CREB3L2: variants seen among roughly 807,000 people sequenced by gnomAD.
CREB3L2 encodes the protein cAMP responsive element binding protein 3 like 2, also known as cyclic AMP-responsive element-binding protein 3-like protein 2.
CREB3L2 carries 23 observed loss-of-function variants against 57.2 expected under a neutral mutation model. That is an observed-to-expected ratio of 0.40 (90% CI 0.29 to 0.57). The LOEUF is 0.57. Ranked by LOEUF, CREB3L2 falls within the 20% of genes least tolerant of loss-of-function variation. The probability of loss-of-function intolerance (pLI) is 0.42; values close to 1 mark genes in which losing one functional copy is unlikely to be tolerated. For missense variants in CREB3L2, 628 were observed against 634.7 expected (o/e 0.99, Z 0.11); for synonymous variants, 268 against 265.1 (o/e 1.01, Z -0.11).
At chr7:137,983,798 G>A (rs192811790) in intron 1 of CREB3L2, among the ~76,000 whole-genome samples, 5 of 152,290 alleles carry the variant, frequency 3.3e-5, no homozygotes, top group African/African-American at 9.6e-5. Flanking sequence ...ACTGAGTCTT[G>A]CATGGCTTTT....
chr7:137,924,597 C>T (rs938308896), intron 2 of CREB3L2, among the ~76,000 whole-genome samples: 5 of 152,142 alleles, frequency 3.3e-5, no homozygotes, highest in Non-Finnish European at 7.3e-5. Context: ...GATGCTTCTG[C>T]GTTTCTCTCT....
At position 137,880,467 on chromosome 7, in the gene CREB3L2, G is replaced by A; in HGVS notation, c.*9C>T. ...GTTAAGGGAAAGGGAGGGGGTGCAGGCAGCCTCTTTAGAAAGTGGTGTTCA... is the reference window on the plus strand; with the variant it reads ...GTTAAGGGAAAGGGAGGGGGTGCAGACAGCCTCTTTAGAAAGTGGTGTTCA... On this transcript the variant is annotated 3_prime_UTR_variant, in exon 12 of 12. Transcript: ENST00000330387. The surrounding 1 kb of genome is among the most constrained non-coding windows in gnomAD (Gnocchi z 4.0). 1.9e-6 allele frequency: 3 copies of A among 1,608,952 alleles called. No individual in the cohort carries two copies. Among genetic ancestry groups the A allele is most frequent in the East Asian group, 2.2e-5 (1 of 44,864 alleles).
At chr7:137,999,144 C>G (rs188308879) in intron 1 of CREB3L2, among the ~76,000 whole-genome samples, 14 of 152,168 alleles carry the variant, frequency 9.2e-5, no homozygotes, top group Admixed American at 6.5e-4. Context: ...CTACCTTAGG[C>G]CTTTGCTCTA....
intron 5 of CREB3L2, 25 bp from the exon 6 acceptor site, chr7:137,905,873 G>C (rs755166164): frequency 1.0e-5 from 16 of 1,568,066 alleles, no homozygotes; most frequent in Admixed American, 9.9e-5. Context: ...GAGCAGAAAA[G>C]GGTCAAAGAA....
intron 1 of CREB3L2, chr7:137,935,940 G>A: frequency 1.0e-6 from 1 of 969,318 alleles, no homozygotes; most frequent in Non-Finnish European, 1.2e-6. Flanking sequence ...TTGCAAGGAA[G>A]GAGTGGTTTA....
chr7:137,973,254 A>C (rs1295439921), intron 1 of CREB3L2, among the ~76,000 whole-genome samples: 2 of 152,098 alleles, frequency 1.3e-5, no homozygotes, highest in Non-Finnish European at 2.9e-5. Flanking sequence ...GACCTTAATC[A>C]TAGAAGTCCC....
At chr7:137,995,333 C>CTTTTTTTTTTTTTTTTTTTTTTTTTTTT (rs10676214) in intron 1 of CREB3L2, among the ~76,000 whole-genome samples, 6 of 87,428 alleles carry the variant, frequency 6.9e-5, no homozygotes, top group African/African-American at 1.4e-4. Flanking sequence ...TCTTTTCTTT[C>CTTTTTTTTTTTTTTTTTTTTTTTTTTTT]TTTTTTTTTT....
intron 1 of CREB3L2, among the ~76,000 whole-genome samples, chr7:137,967,063 C>G (rs925612478): frequency 4.6e-5 from 7 of 152,170 alleles, no homozygotes; most frequent in Non-Finnish European, 1.0e-4. Context: ...CCCTTCTTCT[C>G]TCTCTCTCAG....
At chr7:137,981,677 C>G (rs1801714388) in intron 1 of CREB3L2, among the ~76,000 whole-genome samples, 1 of 152,202 alleles carries the variant, frequency 6.6e-6, no homozygotes, top group African/African-American at 2.4e-5. Context: ...GGGCCAGAGC[C>G]CTCCATTTAG....
chr7:137,956,781 A>C (rs563604406), intron 1 of CREB3L2: 140 of 471,128 alleles, frequency 3.0e-4, no homozygotes, highest in Middle Eastern at 6.1e-4. Context: ...GGCCCCACCT[A>C]AAAGAGTTAG....
chr7:137,993,272 C>T (rs371846245), intron 1 of CREB3L2, among the ~76,000 whole-genome samples: 67 of 152,242 alleles, frequency 4.4e-4, no homozygotes, highest in African/African-American at 1.6e-3. Flanking sequence ...GTAATGTACC[C>T]AAGGTCACCA....
At chr7:137,939,976 TA>T (rs1800854343) in intron 1 of CREB3L2, among the ~76,000 whole-genome samples, 1 of 152,266 alleles carries the variant, frequency 6.6e-6, no homozygotes, top group South Asian at 2.1e-4. Context: ...AAAGTAGATT[TA>T]AATTTCTTAC....
At chr7:137,973,837 C>T (rs987638827) in intron 1 of CREB3L2, among the ~76,000 whole-genome samples, 5 of 152,296 alleles carry the variant, frequency 3.3e-5, no homozygotes, top group African/African-American at 9.6e-5. Flanking sequence ...TAACTATGCA[C>T]GTTTTCACAA....
At chr7:137,946,426 GA>G (rs34011740) in intron 1 of CREB3L2, among the ~76,000 whole-genome samples, 133 of 102,500 alleles carry the variant, frequency 1.3e-3, no homozygotes, top group Admixed American at 3.3e-3. Flanking sequence ...TACAAATGCA[GA>G]AAAAAAAAAA....
intron 1 of CREB3L2, among the ~76,000 whole-genome samples, chr7:137,945,260 C>A (rs1015583906): frequency 1.3e-5 from 2 of 152,214 alleles, no homozygotes; most frequent in African/African-American, 4.8e-5. Context: ...AATGTATGGA[C>A]AGCCTTATAG....
At chr7:137,942,329 T>C (rs1331296254) in intron 1 of CREB3L2, among the ~76,000 whole-genome samples, 2 of 152,238 alleles carry the variant, frequency 1.3e-5, no homozygotes, top group Non-Finnish European at 2.9e-5. Flanking sequence ...CAGGTTCTCC[T>C]TAAAGTATCC....
chr7:137,923,369 G>A (rs189722506), intron 2 of CREB3L2, among the ~76,000 whole-genome samples: 15 of 152,298 alleles, frequency 9.8e-5, no homozygotes, highest in Admixed American at 8.5e-4. Flanking sequence ...GCAAAATAGC[G>A]TGTATTACAA....
rs7798829 is a variant in CREB3L2, at chr7:138,001,061, C to T, written c.102+543G>A. On this transcript the variant is annotated intron_variant, in intron 1 of 11. Coordinates refer to ENST00000330387, the MANE Select transcript of CREB3L2 (RefSeq NM_194071.4). The surrounding 1 kb of genome is among the most constrained non-coding windows in gnomAD (Gnocchi z 4.2). Reference sequence around the variant, plus strand: ...AAAGCAAATAAAGCCGCCTTTCTCCCTAACGTAGAGGAGCCCTTTCAACAC... The same window carrying T: ...AAAGCAAATAAAGCCGCCTTTCTCCTTAACGTAGAGGAGCCCTTTCAACAC... Among the ~76,000 whole-genome samples the T allele has an allele frequency of 1, 150,371 of 150,372 alleles. 75,185 individuals are homozygous for T. Among genetic ancestry groups the T allele is most frequent in the Middle Eastern group, 1 (294 of 294 alleles).
rs1292191605 is a variant in CREB3L2, at chr7:137,908,411, C to T, written c.609G>A (p.Pro203=). 18 of 1,265,184 alleles carry T rather than the reference C, an allele frequency of 1.4e-5. 1 individual carries two copies. In the South Asian group the frequency reaches 4.2e-4, roughly 29 times the overall value. 78.4% of individuals were successfully genotyped at this position (1,265,184 alleles called of 1,614,324 possible). ...KEAPVDHLHL[P]PTPPSSHGSD... ...TGCCGTGACTGCTCGGAGGGGTGGGCGGCAAATGCAGGTGGTCCACTGGGG... is the reference window on the plus strand; with the variant it reads ...TGCCGTGACTGCTCGGAGGGGTGGGTGGCAAATGCAGGTGGTCCACTGGGG... Residue 203 remains proline, a synonymous_variant, in exon 5 of 12, where the codon CCG becomes CCA. Coordinates refer to ENST00000330387, the MANE Select transcript of CREB3L2 (RefSeq NM_194071.4).
Sources: gnomAD v4.1 joint callset for allele counts (sites outside exome capture counted in the v4.1 genomes callset) on GRCh38, gnomAD v4.1.1 for gene constraint, Gnocchi (gnomAD v3.1) non-coding constraint, MANE v1.5 for transcripts, NCBI Gene and HGNC (gene_info 2026-07-23, HGNC 2026-07-21) for gene names.